HACE1: variants seen among roughly 807,000 people sequenced by gnomAD.
HACE1 encodes the protein HECT domain and ankyrin repeat containing E3 ubiquitin protein ligase 1.
In HACE1, 73 loss-of-function variants were observed where a neutral mutation model predicts 118.4. That is an observed-to-expected ratio of 0.62 (90% CI 0.51 to 0.75). The LOEUF is 0.75. Among genes scored for constraint, HACE1 ranks in the 30% least tolerant of loss-of-function variants. HACE1 has a pLI of 0.00. For synonymous variants in HACE1, 368 were observed against 374.8 expected (o/e 0.98, Z 0.21); for missense variants, 749 against 1,102.2 (o/e 0.68, Z 4.54).
intron 6 of HACE1, among the ~76,000 whole-genome samples, chr6:104,828,795 C>T (rs1773578917): frequency 2.0e-5 from 3 of 151,962 alleles, no homozygotes; most frequent in African/African-American, 7.2e-5. Flanking sequence ...AAAAATGAAT[C>T]TTCTGAATCT....
intron 19 of HACE1, among the ~76,000 whole-genome samples, chr6:104,758,736 T>C (rs747998184): frequency 7.9e-5 from 12 of 152,228 alleles, no homozygotes; most frequent in Admixed American, 6.5e-4. Flanking sequence ...AATGACCCAA[T>C]TAAAAGACAC....
chr6:104,852,398 T>C (rs753807497), intron 1 of HACE1, 27 bp from the exon 2 acceptor site: 2 of 1,320,482 alleles, frequency 1.5e-6, no homozygotes, highest in South Asian at 1.2e-5. Flanking sequence ...AAAGAGTTCA[T>C]TTATCCCCTA....
intron 22 of HACE1, among the ~76,000 whole-genome samples, chr6:104,734,677 T>C (rs1484295834): frequency 6.6e-6 from 1 of 152,204 alleles, no homozygotes; most frequent in Non-Finnish European, 1.5e-5. Flanking sequence ...TCCATTCAAG[T>C]GTGGATTTGC....
At chr6:104,822,327 G>A (rs1772834718) in intron 6 of HACE1, among the ~76,000 whole-genome samples, 1 of 150,238 alleles carries the variant, frequency 6.7e-6, no homozygotes, top group African/African-American at 2.5e-5. Context: ...AGCTTGCAGT[G>A]AGCCGCGACC....
intron 3 of HACE1, among the ~76,000 whole-genome samples, chr6:104,849,518 T>TC (rs1359127758): frequency 6.6e-6 from 1 of 150,734 alleles, no homozygotes; most frequent in Non-Finnish European, 1.5e-5. Context: ...TTTTTTTTTT[T>TC]TTTCTGTAGA....
At position 104,744,670 on chromosome 6, in the gene HACE1, TA is replaced by T. The variant is rs955726021; in HGVS notation, c.2344-61del. 108 of 975,394 alleles carry T rather than the reference TA, an allele frequency of 1.1e-4. No homozygotes were observed. In the African/African-American group the frequency reaches 1.5e-3, roughly 14 times the overall value. The allele number at this position is 975,394 out of a possible 1,614,324, so 60.4% of individuals were successfully genotyped here. ...CTTTAGGGAAAAAAGTTATTATATT[TA>T]AGTGGTAAATTTGCCATAATTAGAA... On this transcript the variant is annotated intron_variant, in intron 20 of 23. Transcript: ENST00000262903.
rs1000837628 is a variant in HACE1, at chr6:104,729,384, G to C, written c.*278C>G. On this transcript the variant is annotated 3_prime_UTR_variant, in exon 24 of 24. Coordinates refer to ENST00000262903, the MANE Select transcript of HACE1 (RefSeq NM_020771.4). ...CAGATTTTGCCTTAATACAATCTTG[G>C]ATAAAATTAATTATGAAAAAGGACA... 7.5e-6 allele frequency: 3 copies of C among 399,034 alleles called. No individual in the cohort carries two copies. Among genetic ancestry groups the C allele is most frequent in the Non-Finnish European group, 1.4e-5 (3 of 217,952 alleles). 24.7% of individuals were successfully genotyped at this position (399,034 alleles called of 1,614,324 possible).
At chr6:104,834,230 C>T (rs1199322037) in intron 5 of HACE1, among the ~76,000 whole-genome samples, 2 of 152,092 alleles carry the variant, frequency 1.3e-5, no homozygotes, top group Non-Finnish European at 2.9e-5. Flanking sequence ...AAATACTCTG[C>T]TTCTCAGATA....
At chr6:104,856,601 A>T (rs998102371) in intron 1 of HACE1, among the ~76,000 whole-genome samples, 12 of 151,890 alleles carry the variant, frequency 7.9e-5, no homozygotes, top group Admixed American at 2.0e-4. Context: ...CATCCAGCTA[A>T]TTTTTTGTAT....
chr6:104,821,334 A>C (rs186216059), intron 6 of HACE1, among the ~76,000 whole-genome samples: 1 of 152,290 alleles, frequency 6.6e-6, no homozygotes, highest in African/African-American at 2.4e-5. Flanking sequence ...CTGAACTCAA[A>C]ATAAAAGTTA....
intron 19 of HACE1, among the ~76,000 whole-genome samples, chr6:104,760,524 A>C (rs182632344): frequency 1.3e-5 from 2 of 152,218 alleles, no homozygotes; most frequent in Non-Finnish European, 2.9e-5. Flanking sequence ...TCAGTAAACT[A>C]GGAATTGATG....
intron 19 of HACE1, among the ~76,000 whole-genome samples, chr6:104,768,020 C>A (rs1030427106): frequency 2.6e-5 from 4 of 152,060 alleles, no homozygotes; most frequent in African/African-American, 9.7e-5. Context: ...GCAAAAGAGG[C>A]CATATCTAAC....
At chr6:104,788,670 T>G (rs1392353500) in intron 11 of HACE1, among the ~76,000 whole-genome samples, 1 of 152,050 alleles carries the variant, frequency 6.6e-6, no homozygotes. Flanking sequence ...CAGCTTACTA[T>G]TCACAAAAAA....
intron 22 of HACE1, among the ~76,000 whole-genome samples, chr6:104,737,620 T>G (rs534218934): frequency 3.4e-4 from 52 of 152,210 alleles, no homozygotes; most frequent in African/African-American, 1.2e-3. Flanking sequence ...GCTTTTCCGA[T>G]GGGCTTAAAA....
intron 22 of HACE1, among the ~76,000 whole-genome samples, chr6:104,738,216 G>T (rs1462362134): frequency 6.6e-6 from 1 of 151,530 alleles, no homozygotes; most frequent in Non-Finnish European, 1.5e-5. Context: ...CAAAGATGGG[G>T]AAAAAACAGA....
At chr6:104,846,447 C>A (rs142372594) in intron 4 of HACE1, among the ~76,000 whole-genome samples, 1 of 152,272 alleles carries the variant, frequency 6.6e-6, no homozygotes, top group Non-Finnish European at 1.5e-5. Context: ...CAACTATATT[C>A]CTGCTCAGAT....
chr6:104,761,376 C>A (rs1314629563), intron 19 of HACE1, among the ~76,000 whole-genome samples: 1 of 152,074 alleles, frequency 6.6e-6, no homozygotes, highest in African/African-American at 2.4e-5. Flanking sequence ...CAGAACAGAG[C>A]CCTCAGAAGT....
intron 19 of HACE1, among the ~76,000 whole-genome samples, chr6:104,755,321 A>G (rs970888110): frequency 6.6e-6 from 1 of 152,244 alleles, no homozygotes; most frequent in African/African-American, 2.4e-5. Flanking sequence ...ACTCCCACAC[A>G]ATAATAGTGA....
chr6:104,795,803 ATT>A (rs990000036), intron 9 of HACE1, 118 bp from the exon 10 acceptor site: 11 of 669,262 alleles, frequency 1.6e-5, no homozygotes, highest in Non-Finnish European at 2.7e-5. Flanking sequence ...TCCTTTAGTT[ATT>A]TTGTCTTGCA....
Sources: gnomAD v4.1 joint callset for allele counts (sites outside exome capture counted in the v4.1 genomes callset) on GRCh38, gnomAD v4.1.1 for gene constraint, MANE v1.5 for transcripts, NCBI Gene and HGNC (gene_info 2026-07-23, HGNC 2026-07-21) for gene names.